KCTD7: variants seen among roughly 807,000 people sequenced by gnomAD.
The protein encoded by KCTD7 is BTB/POZ domain-containing protein KCTD7.
KCTD7 carries 15 observed loss-of-function variants against 27.0 expected under a neutral mutation model. That is an observed-to-expected ratio of 0.56 (90% CI 0.37 to 0.86). The LOEUF is 0.86. Ranked by LOEUF, KCTD7 falls within the 40% of genes least tolerant of loss-of-function variation. The pLI, the probability that KCTD7 is intolerant of heterozygous loss-of-function variation, is 0.00. For missense variants in KCTD7, 299 were observed against 398.9 expected (o/e 0.75, Z 2.13); for synonymous variants, 159 against 162.7 (o/e 0.98, Z 0.17).
intron 1 of KCTD7, among the ~76,000 whole-genome samples, chr7:66,629,574 G>A (rs946828520): frequency 2.6e-5 from 4 of 152,070 alleles, no homozygotes; most frequent in Admixed American, 2.6e-4. Flanking sequence ...ACCAGGCACC[G>A]TAGCTCGAGC....
chr7:66,631,379 G>A (rs1171341952), intron 1 of KCTD7, among the ~76,000 whole-genome samples: 4 of 152,084 alleles, frequency 2.6e-5, no homozygotes, highest in African/African-American at 7.2e-5. Context: ...GACCAGCTTG[G>A]CCAACATGGT....
rs981223669 is a variant in KCTD7 at position 66,640,302 on chromosome 7, C to T, written c.*1070C>T. Reference sequence around the variant, plus strand: ...ACAAAACTTCCCTTTTGTTTTACTCCTCACTCCTCTATTTTTGTTTTACTC... The same window carrying T: ...ACAAAACTTCCCTTTTGTTTTACTCTTCACTCCTCTATTTTTGTTTTACTC... On this transcript the variant is annotated 3_prime_UTR_variant, in exon 4 of 4. Coordinates refer to ENST00000639828, the MANE Select transcript of KCTD7 (RefSeq NM_153033.5). 1 of 1,530,138 alleles carries T rather than the reference C, an allele frequency of 6.5e-7. No individual in the cohort carries two copies. The highest frequency in any genetic ancestry group is 8.7e-7 in the Non-Finnish European group (1 of 1,143,274). 94.8% of individuals were successfully genotyped at this position (1,530,138 alleles called of 1,614,324 possible).
At chr7:66,630,096 C>G (rs1161921226) in intron 1 of KCTD7, among the ~76,000 whole-genome samples, 1 of 152,002 alleles carries the variant, frequency 6.6e-6, no homozygotes, top group Non-Finnish European at 1.5e-5. Flanking sequence ...ACAGTGAGAC[C>G]CTGCCTCTAC....
In KCTD7 at chr7:66,642,435, GAGGAAT is replaced by G. The variant is rs1474378785; in HGVS notation, c.*3209_*3214del. ...TCTTCCTGTTCTGGGCTGCTTGCTG[GAGGAAT>G]AGGAAGTGACATTTATAAGACACAG... On this transcript the variant is annotated 3_prime_UTR_variant, in exon 4 of 4. Coordinates refer to ENST00000639828, the MANE Select transcript of KCTD7 (RefSeq NM_153033.5). 1.0e-6 allele frequency: 1 copy of G among 985,318 alleles called. No homozygotes were observed. The highest frequency in any genetic ancestry group is 1.1e-4 in the East Asian group (1 of 8,818). 61.0% of individuals were successfully genotyped at this position (985,318 alleles called of 1,614,324 possible).
rs535761789 is a variant in KCTD7, at chr7:66,640,085, C to T, written c.*853C>T. On this transcript the variant is annotated 3_prime_UTR_variant, in exon 4 of 4. Transcript: ENST00000639828. ...ACATGTAACATCCTTTTTAGAGGCT[C>T]AGAACACCTCCTTGGCTGCTATCTC... 18 of 1,293,916 alleles carry T rather than the reference C, an allele frequency of 1.4e-5. No homozygotes were observed. In the African/African-American group the frequency reaches 2.3e-4, roughly 16 times the overall value. The allele number at this position is 1,293,916 out of a possible 1,614,324, so 80.2% of individuals were successfully genotyped here. A position where few individuals can be genotyped will look rare whatever the true frequency, so the allele number is the denominator to read the frequency against.
chr7:66,633,206 T>C (rs1174135357), intron 1 of KCTD7, 69 bp from the exon 2 acceptor site: 2 of 1,518,064 alleles, frequency 1.3e-6, no homozygotes, highest in East Asian at 2.3e-5. Context: ...ACCCCAGGGA[T>C]TGAAGATGGA....
chr7:66,638,292 C>T lies in KCTD7; in HGVS notation c.354C>T (p.Pro118=). Residue 118 remains proline, a synonymous_variant, in exon 3 of 4, where the codon CCC becomes CCT. Coordinates refer to ENST00000639828, the MANE Select transcript of KCTD7 (RefSeq NM_153033.5). ...TCCTGCGCTCAGGGGACCTCCCACC[C>T]AGGGAGCGTGTTCGAGCTGTGTACA... ...LNFLRSGDLP[P]RERVRAVYKE... is the part of the protein sequence containing the mutation. 1 of 1,614,238 alleles carries T rather than the reference C, an allele frequency of 6.2e-7. No homozygotes were observed. The highest frequency in any genetic ancestry group is 8.5e-7 in the Non-Finnish European group (1 of 1,180,044).
chr7:66,630,643 A>G (rs1157482474), intron 1 of KCTD7, among the ~76,000 whole-genome samples: 2 of 152,222 alleles, frequency 1.3e-5, no homozygotes, highest in Non-Finnish European at 2.9e-5. Flanking sequence ...CCATACACAC[A>G]ATGCCATGGG....
rs932229206 is a variant in KCTD7, at chr7:66,639,118, C to T, written c.756C>T (p.Leu252=). The T allele has an allele frequency of 1.9e-6, 3 of 1,614,162 alleles. No homozygotes were observed. The highest frequency in any genetic ancestry group is 1.1e-5 in the South Asian group (1 of 91,088). ...YDLLHCLVTD[L]SAQGLTVDHQ... is the part of the protein sequence containing the mutation. ...TGCTGCACTGCCTGGTCACGGACCT[C>T]TCGGCCCAGGGTCTCACCGTGGACC... is the stretch of plus-strand genomic sequence containing the variant. The change falls in exon 4 of 4, where the codon CTC becomes CTT. Residue 252 remains leucine, a synonymous_variant. Transcript: ENST00000639828.
Position 66,641,557 on chromosome 7 carries a change from CCT to C in KCTD7, c.*2333_*2334del, listed in dbSNP as rs1786718487. Reference sequence around the variant, plus strand: ...AGGGATGCTGGGTAAGAACACCGTTCCTCTCTCTCGCTGGAGAAATCCCTGTT... The same window carrying C: ...AGGGATGCTGGGTAAGAACACCGTTCCTCTCTCGCTGGAGAAATCCCTGTT... On this transcript the variant is annotated 3_prime_UTR_variant, in exon 4 of 4. Transcript: ENST00000639828. 1.0e-6 allele frequency: 1 copy of C among 985,370 alleles called. No homozygotes were observed. The highest frequency in any genetic ancestry group is 1.2e-6 in the Non-Finnish European group (1 of 829,922). The allele number at this position is 985,370 out of a possible 1,614,324, so 61.0% of individuals were successfully genotyped here.
At chr7:66,631,546 G>C (rs181977941) in intron 1 of KCTD7, among the ~76,000 whole-genome samples, 4 of 150,060 alleles carry the variant, frequency 2.7e-5, no homozygotes, top group African/African-American at 9.8e-5. Flanking sequence ...TCCAGCCTGG[G>C]TGTTGCAATG....
At position 66,640,250 on chromosome 7, in the gene KCTD7, C is replaced by CA. The variant is rs1786685085; in HGVS notation, c.*1019dup. 6 of 1,480,222 alleles carry CA rather than the reference C, an allele frequency of 4.1e-6. No homozygotes were observed. In the South Asian group the frequency reaches 6.9e-5, roughly 17 times the overall value. The allele number at this position is 1,480,222 out of a possible 1,614,324, so 91.7% of individuals were successfully genotyped here. On this transcript the variant is annotated 3_prime_UTR_variant, in exon 4 of 4. Coordinates refer to ENST00000639828, the MANE Select transcript of KCTD7 (RefSeq NM_153033.5). ...GGTAAAGGAAGGGCTGGGTGAGACACACAGCTATCCTAGGAGCCGTAGGAA... is the reference window on the plus strand; with the variant it reads ...GGTAAAGGAAGGGCTGGGTGAGACACAACAGCTATCCTAGGAGCCGTAGGAA...
At chr7:66,629,440 C>T (rs1427633474) in intron 1 of KCTD7, among the ~76,000 whole-genome samples, 1 of 149,860 alleles carries the variant, frequency 6.7e-6, no homozygotes, top group Non-Finnish European at 1.5e-5. Context: ...CCCCCTACAC[C>T]CTCCGCCCAG....
intron 1 of KCTD7, 36 bp downstream of exon 1, chr7:66,629,244 AG>A: frequency 1.5e-6 from 1 of 651,864 alleles, no homozygotes; most frequent in Non-Finnish European, 1.9e-6. Context: ...GGGCGTGGGG[AG>A]GGGCGCGGGG....
chr7:66,632,104 A>G (rs137944879), intron 1 of KCTD7, among the ~76,000 whole-genome samples: 180 of 152,342 alleles, frequency 1.2e-3, no homozygotes, highest in Non-Finnish European at 1.7e-3. Flanking sequence ...GTAGACAGAA[A>G]TGCTCACAGA....
intron 1 of KCTD7, among the ~76,000 whole-genome samples, chr7:66,632,092 C>T (rs575963905): frequency 1.3e-5 from 2 of 152,252 alleles, no homozygotes; most frequent in East Asian, 1.9e-4. Context: ...AGGTGAGGGA[C>T]AGTAGACAGA....
In KCTD7 at chr7:66,628,973, G is replaced by T; in HGVS notation, c.-92G>T. ...CCCTCCGGCCAGCCCGCAGCCGGCCGCGTCATGCCAGGCGCTGCTCGGCGG... is the reference window on the plus strand; with the variant it reads ...CCCTCCGGCCAGCCCGCAGCCGGCCTCGTCATGCCAGGCGCTGCTCGGCGG... On this transcript the variant is annotated 5_prime_UTR_variant, in exon 1 of 4. Coordinates refer to ENST00000639828, the MANE Select transcript of KCTD7 (RefSeq NM_153033.5). 7.6e-7 allele frequency: 1 copy of T among 1,316,150 alleles called. No homozygotes were observed. The allele number at this position is 1,316,150 out of a possible 1,614,324, so 81.5% of individuals were successfully genotyped here.
intron 2 of KCTD7, 100 bp from the exon 3 acceptor site, chr7:66,638,153 C>T: frequency 8.1e-7 from 1 of 1,232,904 alleles, no homozygotes; most frequent in African/African-American, 1.5e-5. Flanking sequence ...CAGTGTAACA[C>T]AGCTGGCAGT....
At chr7:66,636,801 G>A (rs1786597498) in intron 2 of KCTD7, among the ~76,000 whole-genome samples, 1 of 152,140 alleles carries the variant, frequency 6.6e-6, no homozygotes, top group South Asian at 2.1e-4. Context: ...AATCTGAAAA[G>A]TGAATTAGAA....
Sources: gnomAD v4.1 joint callset for allele counts (sites outside exome capture counted in the v4.1 genomes callset) on GRCh38, gnomAD v4.1.1 for gene constraint, MANE v1.5 for transcripts, NCBI Gene and HGNC (gene_info 2026-07-23, HGNC 2026-07-21) for gene names.